Variants in TRAK1 observed in about 807,000 individuals in gnomAD.
TRAK1 encodes trafficking kinesin protein 1, also known as trafficking kinesin-binding protein 1.
In TRAK1, 33 loss-of-function variants were observed where a neutral mutation model predicts 92.1. The observed-to-expected ratio is 0.36, with a 90% confidence interval of 0.27 to 0.48. The LOEUF (loss-of-function observed/expected upper bound fraction) is 0.48, where lower values mean the gene tolerates loss of function less well. Among genes scored for constraint, TRAK1 ranks in the 20% least tolerant of loss-of-function variants. The pLI, the probability that TRAK1 is intolerant of heterozygous loss-of-function variation, is 0.99. For missense variants in TRAK1, 1,123 were observed against 1,257.9 expected (o/e 0.89, Z 1.62); for synonymous variants, 521 against 517.3 (o/e 1.01, Z -0.10).
intron 10 of TRAK1, among the ~76,000 whole-genome samples, chr3:42,196,358 G>A (rs1174346528): frequency 6.6e-6 from 1 of 152,220 alleles, no homozygotes; most frequent in East Asian, 1.9e-4. Flanking sequence ...CCAATGGCAG[G>A]AGTTCATCTG....
intron 1 of TRAK1, among the ~76,000 whole-genome samples, chr3:42,016,063 T>C (rs1370503324): frequency 6.6e-6 from 1 of 151,372 alleles, no homozygotes; most frequent in Non-Finnish European, 1.5e-5. Flanking sequence ...ACAAAAAACA[T>C]AAAAATAAAA....
intron 1 of TRAK1, among the ~76,000 whole-genome samples, chr3:42,077,288 C>CT (rs1447427844): frequency 1.3e-5 from 2 of 152,096 alleles, no homozygotes; most frequent in East Asian, 3.9e-4. Context: ...GAAAGTGTTT[C>CT]TTTTTTTCTT....
At chr3:42,014,005 A>C (rs1392354585) in exon 1 of TRAK1, 1 of 149,400 alleles carries the variant, frequency 6.7e-6, no homozygotes, top group Non-Finnish European at 1.5e-5. Flanking sequence ...AGCGGAGGGA[A>C]CCGAAGCCGC....
At chr3:42,204,254 G>C in intron 13 of TRAK1, 1 of 985,144 alleles carries the variant, frequency 1.0e-6, no homozygotes, top group African/African-American at 1.7e-5. Context: ...TATCATCTCT[G>C]TCTTGTCTGC....
chr3:42,113,359 TACG>T (rs2149084963), intron 1 of TRAK1, among the ~76,000 whole-genome samples: 1 of 144,470 alleles, frequency 6.9e-6, no homozygotes, highest in African/African-American at 2.6e-5. Flanking sequence ...CTCCTACGCC[TACG>T]CCTACGCCTA....
intron 1 of TRAK1, among the ~76,000 whole-genome samples, chr3:42,066,444 A>C (rs1314177403): frequency 6.6e-6 from 1 of 151,730 alleles, no homozygotes; most frequent in Non-Finnish European, 1.5e-5. Context: ...AGAGAGAGAG[A>C]GCACCCAGCG....
intron 2 of TRAK1, among the ~76,000 whole-genome samples, chr3:42,125,899 G>A (rs146161834): frequency 0.029 from 4,421 of 152,262 alleles, 228 homozygotes; most frequent in African/African-American, 0.1. Context: ...TGCCCAGGCT[G>A]GAGTGCAATG....
chr3:42,196,965 C>G (rs145742623), intron 10 of TRAK1, among the ~76,000 whole-genome samples: 2,822 of 137,614 alleles, frequency 0.021, 46 homozygotes, highest in Non-Finnish European at 0.03. Context: ...TCCTCTCTCT[C>G]TCTCTCTCTC....
chr3:42,046,257 C>G lies in TRAK1; in HGVS notation c.-519+32140C>G, dbSNP rs533413780. ...AAATTTGGAACCAGAAGCTTTGCTT[C>G]CTTGATAATCATGGTTTTGACTGAG... On this transcript the variant is annotated intron_variant, in intron 1 of 16. Coordinates refer to the TRAK1 transcript ENST00000487159. Among the ~76,000 whole-genome samples the G allele has an allele frequency of 6.9e-4, 105 of 151,916 alleles. No individual in the cohort carries two copies. The Middle Eastern group carries it at 0.01, about 15-fold the overall frequency.
At chr3:42,072,758 A>AG (rs1225131344) in intron 1 of TRAK1, among the ~76,000 whole-genome samples, 3 of 152,058 alleles carry the variant, frequency 2.0e-5, no homozygotes, top group African/African-American at 7.2e-5. Flanking sequence ...GTGTTTACTG[A>AG]GGGCAGTGCA....
upstream of TRAK1, among the ~76,000 whole-genome samples, chr3:42,087,868 C>T (rs1704758955): frequency 6.6e-6 from 1 of 152,206 alleles, no homozygotes; most frequent in Admixed American, 6.5e-5. Context: ...TTTGCACAGA[C>T]ATGGATTTTT....
At chr3:42,195,041 C>A in intron 10 of TRAK1, 100 bp downstream of exon 10, 2 of 1,444,254 alleles carry the variant, frequency 1.4e-6, no homozygotes, top group Non-Finnish European at 1.9e-6. Flanking sequence ...GTTCACAGTT[C>A]GCTTCTCGTT....
At chr3:42,108,439 T>A (rs1042258888) in intron 1 of TRAK1, among the ~76,000 whole-genome samples, 1 of 148,624 alleles carries the variant, frequency 6.7e-6, no homozygotes, top group African/African-American at 2.5e-5. Flanking sequence ...TGCAGTGAGC[T>A]GTGATCGTAC....
chr3:42,013,912 G>C lies in TRAK1; in HGVS notation c.-724G>C, dbSNP rs1254275670. On this transcript the variant is annotated 5_prime_UTR_variant, in exon 1 of 17. Coordinates refer to the TRAK1 transcript ENST00000487159. The surrounding 1 kb of genome is among the most constrained non-coding windows in gnomAD (Gnocchi z 5.1). ...AACCCCGGACTCCGAGCCCAGGAGC[G>C]CCAGAGCGGCAGGCGGGCAGCAGGA... The C allele has an allele frequency of 2.7e-5, 4 of 150,624 alleles. No homozygotes were observed. In the East Asian group the frequency reaches 5.9e-4, roughly 22 times the overall value. The allele number at this position is 150,624 out of a possible 1,614,324, so 9.3% of individuals were successfully genotyped here. A position where few individuals can be genotyped will look rare whatever the true frequency, so the allele number is the denominator to read the frequency against.
intron 15 of TRAK1, chr3:42,220,544 G>A (rs1710245847): frequency 1.0e-6 from 1 of 985,330 alleles, no homozygotes; most frequent in African/African-American, 1.7e-5. Context: ...CCGTTGAGCT[G>A]AGAGGAGATA....
chr3:42,153,392 G>A (rs1346285236), intron 2 of TRAK1, among the ~76,000 whole-genome samples: 1 of 151,678 alleles, frequency 6.6e-6, no homozygotes, highest in Non-Finnish European at 1.5e-5. Flanking sequence ...GTGAGATCCT[G>A]TCTTAAAAAA....
At chr3:42,098,125 C>T (rs1706213369) in intron 1 of TRAK1, among the ~76,000 whole-genome samples, 1 of 151,990 alleles carries the variant, frequency 6.6e-6, no homozygotes, top group Non-Finnish European at 1.5e-5. Flanking sequence ...TGTCCTTCCC[C>T]TTGCTGTCTC....
intron 1 of TRAK1, among the ~76,000 whole-genome samples, chr3:42,060,625 CTTTTTT>C (rs1299725245): frequency 8.1e-6 from 1 of 123,300 alleles, no homozygotes. Flanking sequence ...TTTTTGGCTG[CTTTTTT>C]TTTTTTTTTT....
upstream of TRAK1, among the ~76,000 whole-genome samples, chr3:42,086,301 C>G (rs1364876894): frequency 1.5e-5 from 2 of 136,742 alleles, no homozygotes; most frequent in Non-Finnish European, 3.1e-5. Flanking sequence ...TCAGATTCTT[C>G]TTTTTCTTTC....
Sources: allele counts gnomAD v4.1 joint callset (sites outside exome capture counted in the v4.1 genomes callset), GRCh38; gene constraint gnomAD v4.1.1; non-coding constraint Gnocchi (gnomAD v3.1); transcripts MANE v1.5; gene names NCBI Gene and HGNC (gene_info 2026-07-23, HGNC 2026-07-21).